The following ERC1 variants were observed in gnomAD, a reference collection of about 807,000 sequenced individuals.
ERC1 encodes the protein RAB6 interacting protein 2.
ERC1 carries 56 observed loss-of-function variants against 132.0 expected under a neutral mutation model. That is an observed-to-expected ratio of 0.42 (90% CI 0.34 to 0.53). The LOEUF (loss-of-function observed/expected upper bound fraction) is 0.53, where lower values mean the gene tolerates loss of function less well. Among genes scored for constraint, ERC1 ranks in the 20% least tolerant of loss-of-function variants. The pLI, the probability that ERC1 is intolerant of heterozygous loss-of-function variation, is 0.03. For missense variants in ERC1, 1,202 were observed against 1,349.9 expected (o/e 0.89, Z 1.72); for synonymous variants, 478 against 476.1 (o/e 1.00, Z -0.05).
At chr12:1,272,687 T>A (rs1226081724) in intron 14 of ERC1, among the ~76,000 whole-genome samples, 1 of 152,114 alleles carries the variant, frequency 6.6e-6, no homozygotes, top group Non-Finnish European at 1.5e-5. Context: ...CTGTGGCTTA[T>A]ACCTGTAATC....
At chr12:1,213,656 G>T (rs1242167220) in intron 12 of ERC1, among the ~76,000 whole-genome samples, 4 of 150,594 alleles carry the variant, frequency 2.7e-5, no homozygotes, top group Non-Finnish European at 5.9e-5. Flanking sequence ...AGAATCTCAT[G>T]AACCCAGGAG....
At chr12:1,478,609 C>T (rs903462992) in intron 18 of ERC1, among the ~76,000 whole-genome samples, 4 of 151,988 alleles carry the variant, frequency 2.6e-5, no homozygotes, top group Admixed American at 2.0e-4. Flanking sequence ...CTGGCTAACA[C>T]GGTGAAACCC....
At chr12:1,049,815 C>T (rs562986157) in intron 2 of ERC1, among the ~76,000 whole-genome samples, 75 of 143,278 alleles carry the variant, frequency 5.2e-4, no homozygotes, top group Non-Finnish European at 1.8e-4. Flanking sequence ...TGCAATGGTA[C>T]GATCTCAGCT....
chr12:1,162,610 TGTTA>T (rs1951988396), intron 8 of ERC1, among the ~76,000 whole-genome samples: 1 of 152,108 alleles, frequency 6.6e-6, no homozygotes, highest in Non-Finnish European at 1.5e-5. Flanking sequence ...ATAAGACAGT[TGTTA>T]GTTTGTTCAC....
At chr12:1,053,103 CTG>C (rs1237710664) in intron 2 of ERC1, among the ~76,000 whole-genome samples, 2 of 151,920 alleles carry the variant, frequency 1.3e-5, no homozygotes, top group Non-Finnish European at 2.9e-5. Context: ...GAAGGGTAAA[CTG>C]TTATGTATGG....
Position 1,159,878 on chromosome 12 carries a change from G to A in ERC1, c.1737+18091G>A, listed in dbSNP as rs192638749. On this transcript the variant is annotated intron_variant, in intron 8 of 18. Transcript: ENST00000360905. The stretch of plus-strand genomic sequence containing the variant: ...CGTTCAGTTTCTTCATCTGTAGAGT[G>A]GATATAATAGCTACTTAAGGATGTT... Among the ~76,000 whole-genome samples, 5 of 152,224 alleles carry A rather than the reference G, an allele frequency of 3.3e-5. No individual in the cohort carries two copies. In the East Asian group the frequency reaches 7.7e-4, roughly 24 times the overall value.
upstream of ERC1, chr12:990,118 A>G (rs181037924): frequency 1.3e-5 from 2 of 152,374 alleles, no homozygotes; most frequent in East Asian, 1.9e-4. Context: ...AAGGCTGAGG[A>G]GCGACTGCAA....
intron 8 of ERC1, among the ~76,000 whole-genome samples, chr12:1,180,253 A>ATGTGTGTGTGTG (rs3216970): frequency 3.4e-4 from 50 of 146,700 alleles, no homozygotes; most frequent in South Asian, 1.8e-3. Flanking sequence ...TTTGTTAGGG[A>ATGTGTGTGTGTG]TGTGTGTGTG....
intron 1 of ERC1, among the ~76,000 whole-genome samples, chr12:1,014,604 T>C (rs1965219442): frequency 6.6e-6 from 1 of 152,246 alleles, no homozygotes; most frequent in South Asian, 2.1e-4. Flanking sequence ...AAATCATTTC[T>C]GTGTATATAC....
intron 1 of ERC1, among the ~76,000 whole-genome samples, chr12:1,005,617 C>T (rs922439290): frequency 6.6e-6 from 1 of 152,108 alleles, no homozygotes; most frequent in African/African-American, 2.4e-5. Flanking sequence ...TGCCAAGTTT[C>T]TGAATCCATT....
rs1555139579 is a variant in ERC1, at chr12:1,493,542, A to ATATATATATAT, written c.*3312_*3313insTATATATATAT. 41 of 23,426 alleles carry ATATATATATAT rather than the reference A, an allele frequency of 1.8e-3. No homozygotes were observed. Among genetic ancestry groups the ATATATATATAT allele is most frequent in the East Asian group, 0.012 (7 of 570 alleles). 1.5% of individuals were successfully genotyped at this position (23,426 alleles called of 1,614,324 possible). On this transcript the variant is annotated 3_prime_UTR_variant, in exon 19 of 19. Transcript: ENST00000360905. ...ACAGAGACTCCATTTAAAAAAAAAA[A>ATATATATATAT]AAAAAAATATATATATATATATATA...
intron 10 of ERC1, among the ~76,000 whole-genome samples, chr12:1,182,905 G>A (rs1398392531): frequency 6.6e-6 from 1 of 152,154 alleles, no homozygotes; most frequent in African/African-American, 2.4e-5. Flanking sequence ...GGCCTCAAGT[G>A]ATCCCCCTGT....
At chr12:1,343,633 C>A (rs2084132865) in intron 15 of ERC1, among the ~76,000 whole-genome samples, 1 of 152,090 alleles carries the variant, frequency 6.6e-6, no homozygotes, top group African/African-American at 2.4e-5. Flanking sequence ...ACTTAACTAT[C>A]CTTTCGGAAC....
chr12:1,069,433 G>A (rs2154180896), intron 2 of ERC1, among the ~76,000 whole-genome samples: 1 of 152,236 alleles, frequency 6.6e-6, no homozygotes, highest in African/African-American at 2.4e-5. Context: ...TGTGCTCAAG[G>A]ATCTATATAG....
chr12:1,357,753 G>A (rs1006834817), intron 15 of ERC1, among the ~76,000 whole-genome samples: 3 of 152,130 alleles, frequency 2.0e-5, no homozygotes, highest in African/African-American at 7.2e-5. Flanking sequence ...TGAGAGAAAA[G>A]GCCAATATAA....
At chr12:1,206,601 T>G (rs1311680839) in intron 12 of ERC1, among the ~76,000 whole-genome samples, 2 of 152,106 alleles carry the variant, frequency 1.3e-5, no homozygotes. Context: ...ATACACATCT[T>G]TTTATTTCCT....
chr12:1,283,834 T>C (rs988199017), intron 14 of ERC1, among the ~76,000 whole-genome samples: 1 of 152,240 alleles, frequency 6.6e-6, no homozygotes, highest in African/African-American at 2.4e-5. Context: ...TTTTGATATA[T>C]GTGTACAATG....
intron 7 of ERC1, among the ~76,000 whole-genome samples, chr12:1,132,955 A>C (rs1948906399): frequency 6.6e-6 from 1 of 151,932 alleles, no homozygotes; most frequent in Non-Finnish European, 1.5e-5. Context: ...TCCTAGGTTC[A>C]AGTGATTCTC....
At chr12:1,120,869 G>A (rs1247999892) in intron 7 of ERC1, among the ~76,000 whole-genome samples, 1 of 152,116 alleles carries the variant, frequency 6.6e-6, no homozygotes, top group African/African-American at 2.4e-5. Context: ...CTTGCTCTAG[G>A]ATGTTTTGGC....
Sources: allele counts gnomAD v4.1 joint callset (sites outside exome capture counted in the v4.1 genomes callset), GRCh38; gene constraint gnomAD v4.1.1; transcripts MANE v1.5; gene names NCBI Gene and HGNC (gene_info 2026-07-23, HGNC 2026-07-21).